Variants in PANK1 observed in about 807,000 individuals in gnomAD.
PANK1 encodes pantothenic acid kinase 1.
A neutral mutation model predicts 40.1 loss-of-function variants in PANK1; 18 were observed. The observed-to-expected ratio is 0.45, with a 90% CI of 0.31 to 0.67. PANK1 has a LOEUF of 0.67. Among genes scored for constraint, PANK1 ranks in the 30% least tolerant of loss-of-function variants. The pLI is 0.06. For missense variants in PANK1, 457 were observed against 599.6 expected (o/e 0.76, Z 2.48); for synonymous variants, 242 against 237.7 (o/e 1.02, Z -0.17).
intron 1 of PANK1, among the ~76,000 whole-genome samples, chr10:89,621,819 T>A (rs1305905796): frequency 2.6e-5 from 4 of 152,248 alleles, no homozygotes; most frequent in African/African-American, 9.6e-5. Flanking sequence ...ATTCAAGCAA[T>A]TCTCCTGTCT....
intron 3 of PANK1, among the ~76,000 whole-genome samples, chr10:89,594,193 A>T (rs2133932233): frequency 6.6e-6 from 1 of 152,208 alleles, no homozygotes; most frequent in African/African-American, 2.4e-5. Context: ...ATCAAGGAAA[A>T]TTTGCCCCTA....
At chr10:89,622,275 T>A (rs1051269836) in intron 1 of PANK1, among the ~76,000 whole-genome samples, 1 of 152,236 alleles carries the variant, frequency 6.6e-6, no homozygotes, top group Non-Finnish European at 1.5e-5. Flanking sequence ...CATTACTCTA[T>A]GAAAAGAAAT....
intron 1 of PANK1, among the ~76,000 whole-genome samples, chr10:89,631,976 G>GTGTGTGTTTTT (rs199540491): frequency 7.0e-6 from 1 of 143,310 alleles, no homozygotes; most frequent in South Asian, 2.2e-4. Context: ...GTGTGTGTGT[G>GTGTGTGTTTTT]TTTTTTTTTT....
intron 2 of PANK1, 89 bp from the exon 3 acceptor site, chr10:89,599,594 A>G: frequency 2.1e-5 from 27 of 1,264,216 alleles, no homozygotes; most frequent in Non-Finnish European, 3.0e-5. Context: ...AGATGGGGTC[A>G]TTCACATGAA....
downstream of PANK1, chr10:89,581,016 CATT>C (rs1457267436): frequency 1.3e-5 from 2 of 152,150 alleles, no homozygotes; most frequent in African/African-American, 4.8e-5. Flanking sequence ...ACTGATCTAA[CATT>C]ATATATTTAG....
At chr10:89,623,055 G>C (rs1477679776) in intron 1 of PANK1, among the ~76,000 whole-genome samples, 3 of 152,034 alleles carry the variant, frequency 2.0e-5, no homozygotes, top group Admixed American at 1.3e-4. Flanking sequence ...GGGATTAAAT[G>C]GTACATTTCA....
chr10:89,644,563 T>G (rs994118819), intron 1 of PANK1, 37 bp downstream of exon 1: 3 of 1,556,352 alleles, frequency 1.9e-6, no homozygotes, highest in Non-Finnish European at 2.6e-6. Flanking sequence ...ACGCTGCGTC[T>G]GCCTTGCGCC....
chr10:89,581,503 C>T (rs1844049993), downstream of PANK1: 1 of 152,104 alleles, frequency 6.6e-6, no homozygotes, highest in Non-Finnish European at 1.5e-5. Flanking sequence ...ACCGCAAGCT[C>T]TGCCTCCCAG....
intron 2 of PANK1, among the ~76,000 whole-genome samples, chr10:89,600,001 C>T (rs1282293018): frequency 6.6e-6 from 1 of 152,114 alleles, no homozygotes; most frequent in Non-Finnish European, 1.5e-5. Context: ...GACTGGAGTG[C>T]TGCTCAACAG....
At chr10:89,599,120 T>C (rs1844698582) in intron 3 of PANK1, 132 bp downstream of exon 3, 5 of 756,506 alleles carry the variant, frequency 6.6e-6, no homozygotes, top group Admixed American at 2.6e-5. Flanking sequence ...CACCATTTGA[T>C]AAATTCTTTT....
At chr10:89,592,061 ACT>A (rs1264209442) in intron 5 of PANK1, among the ~76,000 whole-genome samples, 7 of 152,084 alleles carry the variant, frequency 4.6e-5, no homozygotes, top group African/African-American at 1.7e-4. Context: ...CAAGAAATAA[ACT>A]CTGTTACATT....
chr10:89,629,006 A>G (rs900481891), intron 1 of PANK1, among the ~76,000 whole-genome samples: 1 of 152,210 alleles, frequency 6.6e-6, no homozygotes, highest in Non-Finnish European at 1.5e-5. Context: ...GTGTTACTGC[A>G]ATATATCTAT....
At chr10:89,581,431 ATTTT>A (rs1554835774), downstream of PANK1, 1 of 141,456 alleles carries the variant, frequency 7.1e-6, no homozygotes, top group South Asian at 2.4e-4. Flanking sequence ...TATTTATTTT[ATTTT>A]TTTGAGACAG....
In PANK1 at chr10:89,620,862, C is replaced by T. The variant is rs1379876843; in HGVS notation, c.293-8814G>A. Among the ~76,000 whole-genome samples the T allele has an allele frequency of 2.0e-5, 3 of 152,168 alleles. No individual in the cohort carries two copies. In the East Asian group the frequency reaches 5.8e-4, roughly 29 times the overall value. ...CTTTGTACTCTTTCTCTTTATTTCT[C>T]AGACCGGCCAACACTTAGGGAAAAC... On this transcript the variant is annotated intron_variant, in intron 1 of 6. Transcript: ENST00000307534.
At chr10:89,580,961 T>G (rs1326321654), downstream of PANK1, 1 of 152,252 alleles carries the variant, frequency 6.6e-6, no homozygotes, top group Non-Finnish European at 1.5e-5. Context: ...TGAATAGAAC[T>G]ACCCCTTATT....
intron 1 of PANK1, chr10:89,643,858 A>G: frequency 6.6e-7 from 1 of 1,510,150 alleles, no homozygotes; most frequent in Non-Finnish European, 8.9e-7. Flanking sequence ...CATTATATAT[A>G]CAAGCTTTAG....
At chr10:89,617,414 T>C (rs1845352998) in intron 1 of PANK1, among the ~76,000 whole-genome samples, 1 of 152,222 alleles carries the variant, frequency 6.6e-6, no homozygotes, top group South Asian at 2.1e-4. Context: ...CTAATGTTAG[T>C]AGCATGTATT....
chr10:89,639,439 A>G (rs1841910029), intron 1 of PANK1, among the ~76,000 whole-genome samples: 1 of 152,224 alleles, frequency 6.6e-6, no homozygotes, highest in Non-Finnish European at 1.5e-5. Flanking sequence ...ATAGTAAGAT[A>G]TCTTTTACTA....
chr10:89,595,040 G>T (rs570567605), intron 3 of PANK1, among the ~76,000 whole-genome samples: 1 of 152,314 alleles, frequency 6.6e-6, no homozygotes, highest in South Asian at 2.1e-4. Flanking sequence ...TTGAGCACTG[G>T]CTTTTACTTC....
Sources: gnomAD v4.1 joint callset for allele counts (sites outside exome capture counted in the v4.1 genomes callset) on GRCh38, gnomAD v4.1.1 for gene constraint, MANE v1.5 for transcripts, NCBI Gene and HGNC (gene_info 2026-07-23, HGNC 2026-07-21) for gene names.